PLSCR2: variants seen among roughly 807,000 people sequenced by gnomAD.
PLSCR2 encodes PL scramblase 2.
PLSCR2 carries 18 observed loss-of-function variants against 25.3 expected under a neutral mutation model. The ratio of observed to expected loss-of-function variants is 0.71; its 90% CI spans 0.49 to 1.06. The LOEUF is 1.06. PLSCR2 is among the 50% of genes least tolerant of loss of function. PLSCR2 has a pLI of 0.00. For synonymous variants in PLSCR2, 88 were observed against 87.3 expected (o/e 1.01, Z -0.04); for missense variants, 243 against 269.5 (o/e 0.90, Z 0.69).
intron 1 of PLSCR2, among the ~76,000 whole-genome samples, chr3:146,465,966 G>A (rs573095122): frequency 6.6e-6 from 1 of 152,352 alleles, no homozygotes; most frequent in Non-Finnish European, 1.5e-5. Context: ...TGTGGGGCAA[G>A]AAGATGGTGA....
chr3:146,470,978 A>G (rs1227551485), intron 1 of PLSCR2, among the ~76,000 whole-genome samples: 1 of 152,172 alleles, frequency 6.6e-6, no homozygotes, highest in African/African-American at 2.4e-5. Context: ...GCCATAGAGT[A>G]AGCGCTCAGT....
At chr3:146,403,619 A>C (rs2038554401) in intron 2 of PLSCR2, among the ~76,000 whole-genome samples, 1 of 152,200 alleles carries the variant, frequency 6.6e-6, no homozygotes, top group Non-Finnish European at 1.5e-5. Flanking sequence ...TTCCACAATT[A>C]GTTTTTACCT....
At chr3:146,480,768 G>C (rs1181079664) in intron 1 of PLSCR2, among the ~76,000 whole-genome samples, 2 of 151,738 alleles carry the variant, frequency 1.3e-5, no homozygotes. Context: ...AAGCTTGGCA[G>C]AGACACAACA....
At chr3:146,448,353 T>C (rs2040686786) in intron 6 of PLSCR2, among the ~76,000 whole-genome samples, 1 of 152,222 alleles carries the variant, frequency 6.6e-6, no homozygotes. Flanking sequence ...GTATATTATC[T>C]GTTAAGGTTT....
In PLSCR2 at chr3:146,484,112, G is replaced by GA. The variant is rs1340914631; in HGVS notation, c.-293+11782dup. The stretch of plus-strand genomic sequence containing the variant: ...GGAAGATAAATGACCTGATGGAGCT[G>GA]AAAAACACAGCACAAGAACTTTGTG... On this transcript the variant is annotated intron_variant, in intron 1 of 8. Coordinates refer to the PLSCR2 transcript ENST00000336685. Among the ~76,000 whole-genome samples, 5 of 151,674 alleles carry GA rather than the reference G, an allele frequency of 3.3e-5. No homozygotes were observed. In the Admixed American group the frequency reaches 3.3e-4, roughly 10 times the overall value.
intron 2 of PLSCR2, among the ~76,000 whole-genome samples, chr3:146,419,408 G>A (rs1334169855): frequency 6.6e-6 from 1 of 151,980 alleles, no homozygotes; most frequent in Non-Finnish European, 1.5e-5. Context: ...AGTTCTTCCA[G>A]CTTAAACCCA....
At chr3:146,429,573 C>T (rs1269045349), downstream of PLSCR2, among the ~76,000 whole-genome samples, 1 of 152,098 alleles carries the variant, frequency 6.6e-6, no homozygotes, top group East Asian at 1.9e-4. Context: ...CTGGCTGCTT[C>T]TAACAGCCTA....
At chr3:146,451,401 G>T (rs768999417) in intron 5 of PLSCR2, among the ~76,000 whole-genome samples, 1 of 152,024 alleles carries the variant, frequency 6.6e-6, no homozygotes, top group Non-Finnish European at 1.5e-5. Flanking sequence ...ATAAGCCACC[G>T]TGCCCGGCCT....
At chr3:146,398,858 G>T (rs1299207937) in intron 2 of PLSCR2, 3 of 152,186 alleles carry the variant, frequency 2.0e-5, no homozygotes, top group Non-Finnish European at 4.4e-5. Flanking sequence ...GATCCAACTG[G>T]ATATGTTAGA....
chr3:146,465,316 T>A (rs191315126), upstream of PLSCR2, among the ~76,000 whole-genome samples: 7 of 152,312 alleles, frequency 4.6e-5, no homozygotes, highest in Admixed American at 4.6e-4. Context: ...ATTACATCTT[T>A]AAATTTGTTG....
chr3:146,478,925 G>T (rs558945992), intron 1 of PLSCR2, among the ~76,000 whole-genome samples: 8 of 152,366 alleles, frequency 5.3e-5, no homozygotes, highest in African/African-American at 1.9e-4. Context: ...CCAGAAGAGA[G>T]TGGGGGCCGA....
At chr3:146,428,169 G>C (rs934624408) in intron 2 of PLSCR2, among the ~76,000 whole-genome samples, 2 of 152,066 alleles carry the variant, frequency 1.3e-5, no homozygotes. Context: ...CTCTGTAAAG[G>C]GTATCTGAAA....
chr3:146,492,093 A>G (rs1560064299), intron 1 of PLSCR2, among the ~76,000 whole-genome samples: 1 of 152,110 alleles, frequency 6.6e-6, no homozygotes, highest in Non-Finnish European at 1.5e-5. Flanking sequence ...GAATGCTTAC[A>G]TGGCTCTGAG....
Position 146,455,224 on chromosome 3 carries a change from T to C in PLSCR2, c.321+15A>G, listed in dbSNP as rs1217351289. The C allele has an allele frequency of 1.3e-6, 2 of 1,547,108 alleles. No individual in the cohort carries two copies. The highest frequency in any genetic ancestry group is 1.8e-6 in the Non-Finnish European group (2 of 1,119,218). Reference sequence around the variant, plus strand: ...TGAACTACTTTATGAAAAGCTCTAGTAATTGCTCACATACCTCCTGAAGGC... The same window carrying C: ...TGAACTACTTTATGAAAAGCTCTAGCAATTGCTCACATACCTCCTGAAGGC... On this transcript the variant is annotated intron_variant, in intron 4 of 6. Coordinates refer to ENST00000610787, the Ensembl canonical transcript of PLSCR2.
At chr3:146,488,557 C>G (rs2043429684) in intron 1 of PLSCR2, among the ~76,000 whole-genome samples, 1 of 151,990 alleles carries the variant, frequency 6.6e-6, no homozygotes, top group African/African-American at 2.4e-5. Flanking sequence ...TTTATGTGGC[C>G]AGCAAACATG....
downstream of PLSCR2, among the ~76,000 whole-genome samples, chr3:146,440,470 A>G (rs1227322720): frequency 6.6e-6 from 1 of 152,188 alleles, no homozygotes. Flanking sequence ...AAGCCTCAGC[A>G]ATGGCAGACG....
intron 2 of PLSCR2, among the ~76,000 whole-genome samples, chr3:146,458,725 A>G (rs1227966242): frequency 1.3e-5 from 2 of 152,092 alleles, no homozygotes; most frequent in Non-Finnish European, 2.9e-5. Context: ...TTAGAAAACA[A>G]TGTTCTTCCT....
intron 1 of PLSCR2, among the ~76,000 whole-genome samples, chr3:146,477,510 G>A (rs2042330171): frequency 2.0e-5 from 3 of 152,338 alleles, no homozygotes; most frequent in Admixed American, 6.5e-5. Flanking sequence ...ATTGACCTGC[G>A]AGGCAGCAGC....
rs1383402018 is a variant in PLSCR2 at position 146,495,908 on chromosome 3, T to C, written c.-306A>G. The stretch of plus-strand genomic sequence containing the variant: ...GTCATTGGCTACCTGGGAGGTGAAT[T>C]TGAAAAGGCTTCATTCTCCATTCGG... On this transcript the variant is annotated 5_prime_UTR_variant, in exon 1 of 9. Coordinates refer to the PLSCR2 transcript ENST00000336685. 7 of 1,535,554 alleles carry C rather than the reference T, an allele frequency of 4.6e-6. No individual in the cohort carries two copies. In the East Asian group the frequency reaches 1.7e-4, roughly 38 times the overall value.
Sources: allele counts gnomAD v4.1 joint callset (sites outside exome capture counted in the v4.1 genomes callset), GRCh38; gene constraint gnomAD v4.1.1; transcripts MANE v1.5; gene names NCBI Gene and HGNC (gene_info 2026-07-23, HGNC 2026-07-21).